Variants in TOGARAM1 observed in about 807,000 individuals in gnomAD.
TOGARAM1 encodes TOG array regulator of axonemal microtubules 1.
A neutral mutation model predicts 166.6 loss-of-function variants in TOGARAM1; 100 were observed. The observed-to-expected ratio is 0.60, with a 90% CI of 0.51 to 0.71. TOGARAM1 has a LOEUF of 0.71. TOGARAM1 is among the 30% of genes least tolerant of loss of function. TOGARAM1 has a pLI of 0.00. For synonymous variants in TOGARAM1, 758 were observed against 763.8 expected (o/e 0.99, Z 0.13); for missense variants, 2,029 against 2,102.7 (o/e 0.96, Z 0.69).
chr14:45,021,132 G>A (rs1880474450), intron 7 of TOGARAM1, among the ~76,000 whole-genome samples: 1 of 152,130 alleles, frequency 6.6e-6, no homozygotes. Context: ...TCTCCTGCCT[G>A]ATCTTGAACT....
Position 45,068,512 on chromosome 14 carries a change from T to C in TOGARAM1, c.4838T>C (p.Leu1613Pro), listed in dbSNP as rs748019762. ...ALETMHKMIP[L>P]LRDHLSPIIN... ...GAAACAATGCACAAAATGATTCCTC[T>C]ACTTAGAGACCACTTATCTCCTATA... The change falls in exon 18 of 20, where the codon CTA becomes CCA. Residue 1613 changes from leucine to proline, a missense_variant. Leu to Pro is a moderately conservative substitution (Grantham distance 98). Transcript: ENST00000361462. 2 of 1,613,654 alleles carry C rather than the reference T, an allele frequency of 1.2e-6. No individual in the cohort carries two copies. The highest frequency in any genetic ancestry group is 8.5e-7 in the Non-Finnish European group (1 of 1,179,738).
At chr14:45,000,819 G>A (rs1453295333) in intron 3 of TOGARAM1, among the ~76,000 whole-genome samples, 2 of 151,936 alleles carry the variant, frequency 1.3e-5, no homozygotes, top group Non-Finnish European at 2.9e-5. Flanking sequence ...CTGCAGCCTC[G>A]ACCTCCCGGG....
chr14:44,964,147 A>G lies in TOGARAM1; in HGVS notation c.1726A>G (p.Lys576Glu), dbSNP rs149875466. 3.8e-5 allele frequency: 62 copies of G among 1,614,236 alleles called. 1 individual carries two copies. The Middle Eastern group carries it at 6.6e-4, about 17-fold the overall frequency. ...MNAVQARLAR[K>E]TLPRLTEQGF... ...TGCTGTGCAGGCCAGATTGGCTAGG[A>G]AAACCTTACCAAGGCTCACAGAGCA... The change falls in exon 1 of 20, where the codon AAA (lysine) becomes GAA (glutamate). Residue 576 changes from lysine (K) to glutamate (E), a missense_variant. Lys to Glu is a moderately conservative substitution (Grantham distance 56, BLOSUM62 1). Coordinates refer to ENST00000361462, the MANE Select transcript of TOGARAM1 (RefSeq NM_001308120.2).
intron 10 of TOGARAM1, among the ~76,000 whole-genome samples, chr14:45,030,023 T>C (rs572900707): frequency 7.9e-5 from 12 of 152,276 alleles, no homozygotes; most frequent in African/African-American, 2.9e-4. Context: ...GGTTTCACCA[T>C]GTTGGACAGG....
intron 14 of TOGARAM1, 69 bp downstream of exon 14, chr14:45,046,772 T>C (rs1363581729): frequency 1.1e-5 from 13 of 1,195,112 alleles, no homozygotes; most frequent in Non-Finnish European, 1.4e-5. Flanking sequence ...AGAAAGAAAG[T>C]TTAAAGAAGA....
chr14:45,001,817 C>T (rs540697436), intron 3 of TOGARAM1, among the ~76,000 whole-genome samples: 34 of 152,280 alleles, frequency 2.2e-4, no homozygotes, highest in Non-Finnish European at 4.4e-5. Context: ...GGAACCGTAA[C>T]TTCCTAAAAG....
intron 15 of TOGARAM1, 47 bp from the exon 16 acceptor site, chr14:45,054,381 CACT>C (rs1882529310): frequency 8.9e-7 from 1 of 1,127,192 alleles, no homozygotes; most frequent in Non-Finnish European, 1.3e-6. Context: ...TAAATTATTT[CACT>C]ACTAGTTTTA....
At chr14:45,035,681 A>G (rs912702916) in intron 11 of TOGARAM1, among the ~76,000 whole-genome samples, 2 of 152,214 alleles carry the variant, frequency 1.3e-5, no homozygotes, top group African/African-American at 4.8e-5. Context: ...GCAAGACATT[A>G]CATATAGAAC....
At chr14:45,068,680 C>T (rs1373859803) in intron 18 of TOGARAM1, 37 bp downstream of exon 18, 3 of 1,469,280 alleles carry the variant, frequency 2.0e-6, no homozygotes, top group African/African-American at 2.8e-5. Flanking sequence ...ATTATTTTCA[C>T]TTTCTTTTCA....
chr14:44,997,403 TCAA>T (rs1236109348), intron 2 of TOGARAM1: 2 of 28,718 alleles, frequency 7.0e-5, no homozygotes, highest in African/African-American at 4.5e-4. Context: ...AGACTCCATC[TCAA>T]AAAAAAAAAA....
chr14:45,060,221 T>TG (rs1882844568), intron 16 of TOGARAM1, among the ~76,000 whole-genome samples: 1 of 149,502 alleles, frequency 6.7e-6, no homozygotes, highest in African/African-American at 2.5e-5. Flanking sequence ...CCCGGCCTTT[T>TG]TTTTTTTTTT....
chr14:45,002,688 T>A (rs542090250), intron 3 of TOGARAM1, among the ~76,000 whole-genome samples: 1 of 152,322 alleles, frequency 6.6e-6, no homozygotes, highest in South Asian at 2.1e-4. Flanking sequence ...GAAATATTTT[T>A]AAATCTCGGC....
intron 6 of TOGARAM1, among the ~76,000 whole-genome samples, chr14:45,011,197 A>G (rs1879769499): frequency 6.6e-6 from 1 of 152,354 alleles, no homozygotes; most frequent in Admixed American, 6.5e-5. Flanking sequence ...AGTGGCATTT[A>G]CCAAACTTAC....
chr14:45,015,807 C>G (rs1040905685), intron 7 of TOGARAM1, among the ~76,000 whole-genome samples: 3 of 152,110 alleles, frequency 2.0e-5, no homozygotes, highest in African/African-American at 7.2e-5. Flanking sequence ...ATTCCAGATA[C>G]TGAGCTCTTT....
chr14:45,008,607 T>G (rs1302718741), intron 5 of TOGARAM1, among the ~76,000 whole-genome samples: 1 of 152,202 alleles, frequency 6.6e-6, no homozygotes, highest in East Asian at 1.9e-4. Flanking sequence ...ATGATTCATT[T>G]ATTAAATAAT....
intron 16 of TOGARAM1, among the ~76,000 whole-genome samples, chr14:45,065,506 C>T (rs1223320313): frequency 2.0e-5 from 3 of 152,182 alleles, no homozygotes; most frequent in Non-Finnish European, 2.9e-5. Flanking sequence ...GGGCTGCATG[C>T]GACCTGCAGA....
chr14:45,006,288 A>G (rs917508330), intron 5 of TOGARAM1, 21 bp downstream of exon 5: 3 of 1,541,858 alleles, frequency 1.9e-6, no homozygotes, highest in African/African-American at 1.4e-5. Flanking sequence ...AATATTTTTA[A>G]TGACTTAAAA....
At chr14:44,995,388 T>C (rs919930179) in intron 1 of TOGARAM1, 1 of 437,938 alleles carries the variant, frequency 2.3e-6, no homozygotes, top group Non-Finnish European at 4.6e-6. Flanking sequence ...CTGGCACTTA[T>C]TGTCTAGTAC....
intron 1 of TOGARAM1, among the ~76,000 whole-genome samples, chr14:44,990,327 C>T (rs1887058561): frequency 6.6e-6 from 1 of 152,174 alleles, no homozygotes; most frequent in Non-Finnish European, 1.5e-5. Context: ...TCAGCCTTTG[C>T]CAAGAATATA....
Sources: allele counts gnomAD v4.1 joint callset (sites outside exome capture counted in the v4.1 genomes callset), GRCh38; gene constraint gnomAD v4.1.1; transcripts MANE v1.5; gene names NCBI Gene and HGNC (gene_info 2026-07-23, HGNC 2026-07-21).